The following HNRNPM variants were observed in gnomAD, a reference collection of about 807,000 sequenced individuals.
The protein encoded by HNRNPM is heterogeneous nuclear ribonucleoprotein M, also known as CEA receptor.
In HNRNPM, 11 loss-of-function variants were observed where a neutral mutation model predicts 73.1. That is an observed-to-expected ratio of 0.15 (90% CI 0.09 to 0.25). The LOEUF is 0.25. Ranked by LOEUF, HNRNPM falls within the 10% of genes least tolerant of loss-of-function variation. The probability of loss-of-function intolerance (pLI) is 1.00; values close to 1 mark genes in which losing one functional copy is unlikely to be tolerated. For missense variants in HNRNPM, 789 were observed against 1,067.9 expected, an observed-to-expected ratio of 0.74 and a Z score of 3.64; for synonymous variants, 407 against 355.2, an observed-to-expected ratio of 1.15 and a Z score of -1.64.
chr19:8,486,454 A>AG, intron 14 of HNRNPM, 49 bp downstream of exon 14: 1 of 1,470,160 alleles, frequency 6.8e-7, no homozygotes, highest in Non-Finnish European at 9.1e-7. Context: ...ATGAGGGGAC[A>AG]GGGGAGGCAA....
rs760683368 is a variant in HNRNPM, at chr19:8,473,655, C to T, written c.998-9C>T. 3 of 1,550,580 alleles carry T rather than the reference C, an allele frequency of 1.9e-6. No homozygotes were observed. Among genetic ancestry groups the T allele is most frequent in the African/African-American group, 1.4e-5 (1 of 73,064 alleles). On this transcript the variant is annotated splice_polypyrimidine_tract_variant and intron_variant, in intron 10 of 15. Coordinates refer to ENST00000325495, the MANE Select transcript of HNRNPM (RefSeq NM_005968.5). ...TAATTTTAGTTTGCATTGACTTTTTCTTTTTAAGGAATGGGAATGGAAGGC... is the reference window on the plus strand; with the variant it reads ...TAATTTTAGTTTGCATTGACTTTTTTTTTTTAAGGAATGGGAATGGAAGGC...
At chr19:8,445,334 A>C (rs935972307) in intron 1 of HNRNPM, 4 of 399,058 alleles carry the variant, frequency 1.0e-5, no homozygotes, top group Non-Finnish European at 1.8e-5. Context: ...CGCCACCCTC[A>C]GTCCCTCCAG....
chr19:8,445,795 G>A (rs1203928808), intron 1 of HNRNPM, among the ~76,000 whole-genome samples: 2 of 152,260 alleles, frequency 1.3e-5, no homozygotes, highest in Non-Finnish European at 2.9e-5. Context: ...GGTATTAGTG[G>A]AGAGATGGGA....
At chr19:8,488,556 C>G (rs535345711) in intron 15 of HNRNPM, 135 bp from the exon 16 acceptor site, 21 of 672,348 alleles carry the variant, frequency 3.1e-5, no homozygotes, top group East Asian at 8.3e-5. Flanking sequence ...CTGAGGGGGC[C>G]GTAGTCATTG....
chr19:8,475,773 T>A (rs1388023345), intron 12 of HNRNPM, among the ~76,000 whole-genome samples: 1 of 152,230 alleles, frequency 6.6e-6, no homozygotes, highest in East Asian at 1.9e-4. Context: ...AAAATGTTAC[T>A]CAGAGCAGAT....
intron 12 of HNRNPM, among the ~76,000 whole-genome samples, chr19:8,479,078 CTTTTTTTT>C (rs74176651): frequency 3.4e-4 from 25 of 73,840 alleles, no homozygotes; most frequent in South Asian, 2.1e-3. Flanking sequence ...TTCTTTCTTT[CTTTTTTTT>C]TTTTTTTTTT....
In HNRNPM at chr19:8,487,041, A is replaced by C. The variant is rs377569869; in HGVS notation, c.1995A>C (p.Thr665=). The C allele has an allele frequency of 2.0e-5, 32 of 1,613,740 alleles. No homozygotes were observed. Among genetic ancestry groups the C allele is most frequent in the African/African-American group, 1.9e-4 (14 of 74,910 alleles). ...CCCTTCAGCTGCCATTCGATTTCAC[A>C]TGGAAGATGCTAAAGGACAAATTCA... The part of the protein sequence containing the change: ...IFVRNLPFDF[T]WKMLKDKFNE... Residue 665 remains threonine, a synonymous_variant, in exon 15 of 16, where the codon ACA becomes ACC. Coordinates refer to ENST00000325495, the MANE Select transcript of HNRNPM (RefSeq NM_005968.5).
At chr19:8,474,268 CT>C in intron 12 of HNRNPM, 24 bp downstream of exon 12, 1 of 1,537,434 alleles carries the variant, frequency 6.5e-7, no homozygotes, top group Non-Finnish European at 8.8e-7. Flanking sequence ...TTTCTTCCTG[CT>C]TTCACTCACC....
chr19:8,480,506 AAC>A (rs1306704645), intron 12 of HNRNPM, among the ~76,000 whole-genome samples: 1 of 151,458 alleles, frequency 6.6e-6, no homozygotes, highest in Non-Finnish European at 1.5e-5. Flanking sequence ...CTCTACTACA[AAC>A]ACAAAAAATT....
chr19:8,471,741 T>C (rs1970153621), intron 10 of HNRNPM, among the ~76,000 whole-genome samples: 1 of 152,172 alleles, frequency 6.6e-6, no homozygotes, highest in South Asian at 2.1e-4. Flanking sequence ...TGTCAGTTAC[T>C]GACAGGCTGC....
At position 8,459,584 on chromosome 19, in the gene HNRNPM, A is replaced by G. The variant is rs967172850; in HGVS notation, c.284-2945A>G. Among the ~76,000 whole-genome samples, 24 of 152,222 alleles carry G rather than the reference A, an allele frequency of 1.6e-4. 1 individual carries two copies. The highest frequency in any genetic ancestry group is 9.8e-4 in the Admixed American group (15 of 15,286). On this transcript the variant is annotated intron_variant, in intron 2 of 15. Coordinates refer to ENST00000325495, the MANE Select transcript of HNRNPM (RefSeq NM_005968.5). ...CAAGTCCCCCCAACTCCTGTTAAAA[A>G]AAAATATATAGGTCTTATAACATGT... is the stretch of plus-strand genomic sequence containing the variant.
chr19:8,467,931 G>A (rs1969867924), intron 8 of HNRNPM, among the ~76,000 whole-genome samples: 1 of 152,170 alleles, frequency 6.6e-6, no homozygotes, highest in Admixed American at 6.5e-5. Context: ...GGAGGCTGAG[G>A]CAGGAGAATC....
At chr19:8,450,015 A>G (rs1176136647) in intron 1 of HNRNPM, among the ~76,000 whole-genome samples, 1 of 152,186 alleles carries the variant, frequency 6.6e-6, no homozygotes, top group African/African-American at 2.4e-5. Flanking sequence ...CCATGCATAC[A>G]GGTTGCGCTG....
intron 12 of HNRNPM, among the ~76,000 whole-genome samples, chr19:8,477,714 A>C (rs1970617213): frequency 6.7e-6 from 1 of 149,576 alleles, no homozygotes; most frequent in Non-Finnish European, 1.5e-5. Context: ...AAATATGAGA[A>C]AGTTGTGACC....
rs1282963622 is a variant in HNRNPM at position 8,449,572 on chromosome 19, G to T, written c.113+4461G>T. 6.9e-4 allele frequency among the ~76,000 whole-genome samples: 4 copies of T among 5,822 alleles called. 1 individual carries two copies. The highest frequency in any genetic ancestry group is 7.1e-4 in the African/African-American group (4 of 5,654). 3.8% of individuals were successfully genotyped at this position (5,822 alleles called of 152,430 possible). ...TTTTTTTGAGACGGAGTCTCGCTCTGTCGCCCAGGCTGGAGTGCAGTGGCG... is the reference window on the plus strand; with the variant it reads ...TTTTTTTGAGACGGAGTCTCGCTCTTTCGCCCAGGCTGGAGTGCAGTGGCG... On this transcript the variant is annotated intron_variant, in intron 1 of 15. Coordinates refer to ENST00000325495, the MANE Select transcript of HNRNPM (RefSeq NM_005968.5).
At chr19:8,446,408 T>C (rs556457940) in intron 1 of HNRNPM, among the ~76,000 whole-genome samples, 15 of 152,322 alleles carry the variant, frequency 9.8e-5, no homozygotes, top group Admixed American at 7.9e-4. Flanking sequence ...TGAGCACTTA[T>C]ATATTTAATT....
chr19:8,487,263 G>A, intron 15 of HNRNPM, 188 bp downstream of exon 15: 2 of 640,518 alleles, frequency 3.1e-6, no homozygotes, highest in Admixed American at 2.7e-5. Flanking sequence ...TTTTTCAGCT[G>A]TGTTCTCATT....
intron 12 of HNRNPM, among the ~76,000 whole-genome samples, chr19:8,478,302 T>G (rs530545773): frequency 6.6e-6 from 1 of 152,298 alleles, no homozygotes; most frequent in South Asian, 2.1e-4. Flanking sequence ...GCTGACTTGG[T>G]GGTGGCTGTC....
At chr19:8,460,246 T>G (rs1398552925) in intron 2 of HNRNPM, among the ~76,000 whole-genome samples, 1 of 152,230 alleles carries the variant, frequency 6.6e-6, no homozygotes, top group African/African-American at 2.4e-5. Context: ...GCTTTGCTAT[T>G]GTAGAACCAA....
Sources: allele counts gnomAD v4.1 joint callset (sites outside exome capture counted in the v4.1 genomes callset), GRCh38; gene constraint gnomAD v4.1.1; transcripts MANE v1.5; gene names NCBI Gene and HGNC (gene_info 2026-07-23, HGNC 2026-07-21).